The following CACNA1C variants were observed in gnomAD, a reference collection of about 807,000 sequenced individuals.
CACNA1C encodes the protein calcium voltage-gated channel subunit alpha1 C, also known as voltage-dependent L-type calcium channel subunit alpha-1C.
Under a neutral mutation model 229.0 loss-of-function variants are expected in CACNA1C, and 30 were observed. The ratio of observed to expected loss-of-function variants is 0.13; its 90% confidence interval spans 0.10 to 0.18. CACNA1C has a LOEUF of 0.18. CACNA1C is among the 10% of genes least tolerant of loss of function. The pLI, the probability that CACNA1C is intolerant of heterozygous loss-of-function variation, is 1.00. For synonymous variants in CACNA1C, 1,114 were observed against 1,132.5 expected (o/e 0.98, Z 0.33); for missense variants, 1,658 against 2,845.0 (o/e 0.58, Z 9.49).
chr12:2,476,410 T>G (rs1567912346), intron 5 of CACNA1C, among the ~76,000 whole-genome samples: 1 of 152,250 alleles, frequency 6.6e-6, no homozygotes, highest in Admixed American at 6.5e-5. Flanking sequence ...TTATCTGTCT[T>G]ACCTAAGCCT....
chr12:2,536,822 C>G (rs904439120), intron 9 of CACNA1C, among the ~76,000 whole-genome samples: 2 of 152,116 alleles, frequency 1.3e-5, no homozygotes, highest in Non-Finnish European at 2.9e-5. Context: ...GAGTGAAACT[C>G]TGTTTCAGAA....
At position 2,449,011 on chromosome 12, in the gene CACNA1C, G is replaced by A. The variant is rs769915094; in HGVS notation, c.513G>A (p.Thr171=). ...RVEYLFLIIF[T]VEAFLKVIAY... is the part of the protein sequence containing the mutation. ...AATATCTCTTTCTCATAATTTTTAC[G>A]GTGGAAGCGTTTTTAAAAGTAATCG... The change falls in exon 4 of 47, where the codon ACG becomes ACA. Residue 171 remains threonine (T), a synonymous_variant. Coordinates refer to ENST00000399655, the MANE Select transcript of CACNA1C (RefSeq NM_000719.7). The A allele has an allele frequency of 2.5e-5, 40 of 1,607,682 alleles. No individual in the cohort carries two copies. The highest frequency in any genetic ancestry group is 2.8e-5 in the Non-Finnish European group (33 of 1,175,286).
At chr12:2,307,260 T>G (rs1437816505) in intron 3 of CACNA1C, among the ~76,000 whole-genome samples, 1 of 152,222 alleles carries the variant, frequency 6.6e-6, no homozygotes, top group Non-Finnish European at 1.5e-5. Flanking sequence ...TTCATCTGCT[T>G]TCTCTACCCA....
rs151143736 is a variant in CACNA1C at position 2,486,325 on chromosome 12, C to A, written c.916+63C>A. 7.1e-7 allele frequency: 1 copy of A among 1,406,330 alleles called. No homozygotes were observed. The allele number at this position is 1,406,330 out of a possible 1,614,324, so 87.1% of individuals were successfully genotyped here. ...CCTCTATCGCTCCCAGCACCTTTCC[C>A]GCTGCTGGCTACACCAACATGACCA... On this transcript the variant is annotated intron_variant, in intron 6 of 46. Transcript: ENST00000399655. This position sits in a 1 kb window ranked among gnomAD's most constrained non-coding sequence, Gnocchi z 4.9.
intron 29 of CACNA1C, among the ~76,000 whole-genome samples, chr12:2,621,013 C>T (rs1304206691): frequency 6.6e-6 from 1 of 152,204 alleles, no homozygotes; most frequent in Non-Finnish European, 1.5e-5. Context: ...TACAAGTCTC[C>T]TTGTTTCTAG....
intron 3 of CACNA1C, among the ~76,000 whole-genome samples, chr12:2,310,103 A>G (rs557895728): frequency 5.2e-4 from 79 of 152,170 alleles, no homozygotes; most frequent in Non-Finnish European, 8.5e-4. Context: ...ACGAAGCGGA[A>G]CACTTGCCAT....
intron 3 of CACNA1C, among the ~76,000 whole-genome samples, chr12:2,239,846 C>T (rs1739026473): frequency 1.3e-5 from 2 of 152,162 alleles, no homozygotes; most frequent in Non-Finnish European, 2.9e-5. Context: ...GCTGAGGATG[C>T]CCAGACAAGG....
intron 3 of CACNA1C, among the ~76,000 whole-genome samples, chr12:2,377,989 A>C (rs1037810177): frequency 2.6e-5 from 4 of 152,164 alleles, no homozygotes; most frequent in African/African-American, 9.7e-5. Flanking sequence ...ATCTGGCAGT[A>C]ATCTGGTGGT....
intron 3 of CACNA1C, among the ~76,000 whole-genome samples, chr12:2,363,302 T>A (rs1426332811): frequency 1.3e-5 from 2 of 152,218 alleles, no homozygotes; most frequent in Non-Finnish European, 2.9e-5. Context: ...CATAATATAC[T>A]GAGGAGGATC....
intron 3 of CACNA1C, among the ~76,000 whole-genome samples, chr12:2,414,752 C>T (rs2098846297): frequency 6.6e-6 from 1 of 152,082 alleles, no homozygotes; most frequent in Non-Finnish European, 1.5e-5. Context: ...CCCAGTGTTT[C>T]CCAAGTTTTT....
chr12:2,654,358 A>G lies in CACNA1C; in HGVS notation c.4140+458A>G, dbSNP rs563115023. 2.0e-5 allele frequency among the ~76,000 whole-genome samples: 3 copies of G among 152,280 alleles called. No homozygotes were observed. The highest frequency in any genetic ancestry group is 3.9e-4 in the East Asian group (2 of 5,162). The stretch of plus-strand genomic sequence containing the variant: ...CTGAGAGGGAGGGAGGGAAGAAGGA[A>G]GCAAGGAAGGGCCAAATCAACACAA... On this transcript the variant is annotated intron_variant, in intron 33 of 46. Transcript: ENST00000399655. The surrounding 1 kb of genome is among the most constrained non-coding windows in gnomAD (Gnocchi z 4.4).
At chr12:2,206,267 A>C (rs910635991) in intron 3 of CACNA1C, among the ~76,000 whole-genome samples, 1 of 152,188 alleles carries the variant, frequency 6.6e-6, no homozygotes, top group African/African-American at 2.4e-5. Context: ...TTGATGACTT[A>C]TGAAATGTGG....
At chr12:1,992,862 C>A in intron 1 of CACNA1C, 1 of 423,434 alleles carries the variant, frequency 2.4e-6, no homozygotes, top group East Asian at 3.9e-5. Context: ...CTCACTCGGC[C>A]AAAAGTGATA....
chr12:2,492,050 G>T (rs999086817), intron 6 of CACNA1C, among the ~76,000 whole-genome samples: 2 of 151,724 alleles, frequency 1.3e-5, no homozygotes, highest in Non-Finnish European at 2.9e-5. Context: ...TGGAACTGGG[G>T]TCTCTTCTGT....
At chr12:2,670,818 C>T (rs2096529079) in intron 38 of CACNA1C, among the ~76,000 whole-genome samples, 1 of 151,680 alleles carries the variant, frequency 6.6e-6, no homozygotes, top group Admixed American at 6.6e-5. Flanking sequence ...GAGATCACCC[C>T]ACTCTAGCCT....
intron 1 of CACNA1C, chr12:1,993,492 T>G (rs187119365): frequency 4.8e-6 from 7 of 1,450,644 alleles, no homozygotes; most frequent in Admixed American, 2.1e-5. Context: ...AACCTTTGTT[T>G]GTATATGCAG....
At chr12:2,315,404 A>G (rs2095639544) in intron 3 of CACNA1C, among the ~76,000 whole-genome samples, 1 of 152,198 alleles carries the variant, frequency 6.6e-6, no homozygotes, top group African/African-American at 2.4e-5. Context: ...CATCAGCTAG[A>G]CTGATGAATG....
chr12:2,680,280 C>A, intron 42 of CACNA1C: 1 of 1,088,118 alleles, frequency 9.2e-7, no homozygotes, highest in Non-Finnish European at 1.3e-6. Context: ...CTGCCCAGCA[C>A]AGGATCATTC....
chr12:2,164,829 G>A (rs2096124307), intron 3 of CACNA1C, among the ~76,000 whole-genome samples: 1 of 152,192 alleles, frequency 6.6e-6, no homozygotes, highest in South Asian at 2.1e-4. Context: ...GGAGGAATAT[G>A]TGAGATAATA....
Sources: gnomAD v4.1 joint callset for allele counts (sites outside exome capture counted in the v4.1 genomes callset) on GRCh38, gnomAD v4.1.1 for gene constraint, Gnocchi (gnomAD v3.1) non-coding constraint, MANE v1.5 for transcripts, NCBI Gene and HGNC (gene_info 2026-07-23, HGNC 2026-07-21) for gene names.